The following HELZ variants were observed in gnomAD, a reference collection of about 807,000 sequenced individuals.
HELZ encodes the protein helicase with zinc finger.
A neutral mutation model predicts 218.2 loss-of-function variants in HELZ; 23 were observed. That is an observed-to-expected ratio of 0.11 (90% CI 0.08 to 0.15). The LOEUF (loss-of-function observed/expected upper bound fraction) is 0.15, where lower values mean the gene tolerates loss of function less well. Among genes scored for constraint, HELZ ranks in the 10% least tolerant of loss-of-function variants. The pLI is 1.00. For missense variants in HELZ, 1,813 were observed against 2,353.7 expected, an observed-to-expected ratio of 0.77 and a Z score of 4.75; for synonymous variants, 814 against 829.4, an observed-to-expected ratio of 0.98 and a Z score of 0.32.
intron 3 of HELZ, among the ~76,000 whole-genome samples, chr17:67,228,891 T>C (rs2040963895): frequency 6.6e-6 from 1 of 152,076 alleles, no homozygotes; most frequent in Non-Finnish European, 1.5e-5. Flanking sequence ...GCTAATTTTG[T>C]ATTTTTAGTG....
intron 32 of HELZ, among the ~76,000 whole-genome samples, 194 bp downstream of exon 32, chr17:67,086,635 T>TAAATATAA (rs367713527): frequency 1.0e-4 from 8 of 80,006 alleles, no homozygotes; most frequent in African/African-American, 2.9e-4. Flanking sequence ...AATATAAATA[T>TAAATATAA]ATATATATAT....
chr17:67,094,623 T>TA (rs1204055593), intron 31 of HELZ, among the ~76,000 whole-genome samples: 1 of 152,062 alleles, frequency 6.6e-6, no homozygotes, highest in Non-Finnish European at 1.5e-5. Flanking sequence ...ATTGTATGTT[T>TA]AAAAAAACAC....
At chr17:67,184,381 T>TAG (rs1207787180) in intron 12 of HELZ, among the ~76,000 whole-genome samples, 1 of 152,204 alleles carries the variant, frequency 6.6e-6, no homozygotes, top group East Asian at 1.9e-4. Flanking sequence ...TTTATAAACT[T>TAG]ATGCAAGAGA....
intron 5 of HELZ, among the ~76,000 whole-genome samples, chr17:67,207,743 C>T (rs943789465): frequency 6.6e-6 from 1 of 152,012 alleles, no homozygotes; most frequent in African/African-American, 2.4e-5. Flanking sequence ...AAAATAAAGG[C>T]CGAGCCTATA....
intron 24 of HELZ, among the ~76,000 whole-genome samples, chr17:67,124,739 A>C (rs1598275012): frequency 6.6e-6 from 1 of 152,276 alleles, no homozygotes; most frequent in East Asian, 1.9e-4. Flanking sequence ...AACAATCTAC[A>C]TGCCCATCAG....
chr17:67,095,490 G>A (rs9903138), intron 31 of HELZ, among the ~76,000 whole-genome samples: 5,871 of 152,300 alleles, frequency 0.039, 388 homozygotes, highest in African/African-American at 0.13. Flanking sequence ...CAAGGCTGCA[G>A]TGAGTCATGA....
chr17:67,194,434 G>C lies in HELZ; in HGVS notation c.482-392C>G, dbSNP rs546073760. On this transcript the variant is annotated intron_variant, in intron 8 of 32. Coordinates refer to ENST00000358691, the MANE Select transcript of HELZ (RefSeq NM_014877.4). The stretch of plus-strand genomic sequence containing the variant: ...AAAATCATTGTATCCTGGAAGGAAA[G>C]CTTACATAACAAATTCCACTACTGC... Among the ~76,000 whole-genome samples, 10 of 152,298 alleles carry C rather than the reference G, an allele frequency of 6.6e-5. No individual in the cohort carries two copies. In the South Asian group the frequency reaches 1.9e-3, roughly 28 times the overall value.
At chr17:67,198,113 A>G (rs954127451) in intron 7 of HELZ, among the ~76,000 whole-genome samples, 3 of 152,258 alleles carry the variant, frequency 2.0e-5, no homozygotes, top group African/African-American at 7.2e-5. Flanking sequence ...TGCAAGTAGG[A>G]AAATTTTAAA....
rs576972513 is a variant in HELZ at position 67,111,646 on chromosome 17, T to C, written c.3919-1960A>G. On this transcript the variant is annotated intron_variant, in intron 28 of 32. Coordinates refer to ENST00000358691, the MANE Select transcript of HELZ (RefSeq NM_014877.4). ...TCTCTAATCATCTAGCTCAAATGGA[T>C]TGCCATTAAATTTGGCCAATTTTAG... is the stretch of plus-strand genomic sequence containing the variant. Among the ~76,000 whole-genome samples, 5 of 152,300 alleles carry C rather than the reference T, an allele frequency of 3.3e-5. No homozygotes were observed. The South Asian group carries it at 6.2e-4, about 19-fold the overall frequency.
At chr17:67,240,563 A>G (rs2041292012) in intron 2 of HELZ, among the ~76,000 whole-genome samples, 1 of 152,218 alleles carries the variant, frequency 6.6e-6, no homozygotes, top group Non-Finnish European at 1.5e-5. Context: ...CACAACAAAG[A>G]TAATTTCTGC....
At chr17:67,092,889 C>CG (rs1322022125) in intron 31 of HELZ, among the ~76,000 whole-genome samples, 7 of 106,684 alleles carry the variant, frequency 6.6e-5, no homozygotes, top group African/African-American at 1.7e-4. Context: ...TGCTTGAAAC[C>CG]GGCGGGGGGG....
chr17:67,195,942 C>A (rs9901300), intron 7 of HELZ, among the ~76,000 whole-genome samples: 5,910 of 150,786 alleles, frequency 0.039, 397 homozygotes, highest in African/African-American at 0.13. Flanking sequence ...ACCTCCACCC[C>A]CCGGGTTCAA....
Position 67,084,469 on chromosome 17 carries a change from T to C in HELZ, c.5494+2360A>G, listed in dbSNP as rs2036293741. On this transcript the variant is annotated intron_variant, in intron 32 of 32. Transcript: ENST00000358691. ...CAAGGTCAGGAGATCGAGACCATCC[T>C]GGCTAACACAGTGAAACCCCGTCTC... Among the ~76,000 whole-genome samples the C allele has an allele frequency of 2.0e-5, 3 of 151,702 alleles. No homozygotes were observed. In the South Asian group the frequency reaches 6.3e-4, roughly 32 times the overall value.
intron 32 of HELZ, among the ~76,000 whole-genome samples, chr17:67,085,690 T>C (rs926161756): frequency 6.6e-6 from 1 of 152,118 alleles, no homozygotes. Context: ...AATAAAAAAG[T>C]TGATGTTACT....
rs1207144028 is a variant in HELZ, at chr17:67,076,072, CATGACAAGGGGTCAACTG to C, written c.*2162_*2179del. ...AAAACAGAAAATTAGGCAATAACCT[CATGACAAGGGGTCAACTG>C]AAAGCCCTGACTTGACAATTCTGTC... On this transcript the variant is annotated 3_prime_UTR_variant, in exon 33 of 33. Transcript: ENST00000358691. The C allele has an allele frequency of 6.6e-5, 10 of 152,592 alleles. No individual in the cohort carries two copies. The highest frequency in any genetic ancestry group is 1.5e-4 in the Non-Finnish European group (10 of 68,036). 9.5% of individuals were successfully genotyped at this position (152,592 alleles called of 1,614,324 possible). A position where few individuals can be genotyped will look rare whatever the true frequency, so the allele number is the denominator to read the frequency against.
At position 67,082,588 on chromosome 17, in the gene HELZ, A is replaced by T. The variant is rs147350891; in HGVS notation, c.5495-4002T>A. Among the ~76,000 whole-genome samples, 5 of 152,316 alleles carry T rather than the reference A, an allele frequency of 3.3e-5. No homozygotes were observed. The East Asian group carries it at 9.6e-4, about 29-fold the overall frequency. On this transcript the variant is annotated intron_variant, in intron 32 of 32. Transcript: ENST00000358691. Reference sequence around the variant, plus strand: ...TTTAAAAATTCATAAAATTCTTCAAAATGATTTTAAAGCATTTAATATCTT... The same window carrying T: ...TTTAAAAATTCATAAAATTCTTCAATATGATTTTAAAGCATTTAATATCTT...
chr17:67,181,489 C>T (rs991996538), intron 12 of HELZ, among the ~76,000 whole-genome samples: 9 of 152,092 alleles, frequency 5.9e-5, no homozygotes, highest in African/African-American at 2.2e-4. Context: ...TTTTATGAAA[C>T]TCTTAAATGC....
chr17:67,162,056 G>A (rs2039007819), intron 15 of HELZ, among the ~76,000 whole-genome samples: 2 of 152,298 alleles, frequency 1.3e-5, no homozygotes, highest in South Asian at 4.1e-4. Flanking sequence ...CTCTCTGTGA[G>A]GCTATATTGT....
chr17:67,223,146 G>C (rs1307683830), intron 3 of HELZ, among the ~76,000 whole-genome samples: 32 of 151,340 alleles, frequency 2.1e-4, no homozygotes, highest in South Asian at 6.3e-4. Flanking sequence ...TGTAGTCCCA[G>C]CTACTCGGGA....
Sources: gnomAD v4.1 joint callset for allele counts (sites outside exome capture counted in the v4.1 genomes callset) on GRCh38, gnomAD v4.1.1 for gene constraint, MANE v1.5 for transcripts, NCBI Gene and HGNC (gene_info 2026-07-23, HGNC 2026-07-21) for gene names.